KCNK13: variants seen among roughly 807,000 people sequenced by gnomAD.
The protein encoded by KCNK13 is potassium channel subfamily K member 13.
In KCNK13, 12 loss-of-function variants were observed where a neutral mutation model predicts 23.4. That is an observed-to-expected ratio of 0.51 (90% CI 0.33 to 0.83). KCNK13 has a LOEUF of 0.83. KCNK13 is among the 40% of genes least tolerant of loss of function. The pLI is 0.02. For synonymous variants in KCNK13, 231 were observed against 229.5 expected (o/e 1.01, Z -0.06); for missense variants, 463 against 556.3 (o/e 0.83, Z 1.69).
chr14:90,134,337 A>G (rs1889909939), intron 1 of KCNK13, among the ~76,000 whole-genome samples: 1 of 152,190 alleles, frequency 6.6e-6, no homozygotes, highest in South Asian at 2.1e-4. Context: ...TGGTAGAAAT[A>G]AACACTATTT....
chr14:90,179,460 A>C (rs1890461269), intron 1 of KCNK13, among the ~76,000 whole-genome samples: 1 of 152,138 alleles, frequency 6.6e-6, no homozygotes, highest in Non-Finnish European at 1.5e-5. Flanking sequence ...GGACCTTGGC[A>C]GTCCCTAGTA....
At chr14:90,127,841 CTATT>C (rs1456028287) in intron 1 of KCNK13, among the ~76,000 whole-genome samples, 2 of 132,810 alleles carry the variant, frequency 1.5e-5, no homozygotes, top group Non-Finnish European at 3.3e-5. Flanking sequence ...AAAAAAAAGG[CTATT>C]TAATGTTTCA....
intron 1 of KCNK13, among the ~76,000 whole-genome samples, chr14:90,131,982 T>C (rs181058603): frequency 6.6e-6 from 1 of 152,312 alleles, no homozygotes; most frequent in East Asian, 1.9e-4. Flanking sequence ...TATACATCCA[T>C]GTTCACAGCA....
At chr14:90,082,893 T>C (rs773843724) in intron 1 of KCNK13, among the ~76,000 whole-genome samples, 6 of 152,204 alleles carry the variant, frequency 3.9e-5, no homozygotes, top group Non-Finnish European at 8.8e-5. Flanking sequence ...ACATTGTATA[T>C]TCCCACCGAC....
chr14:90,062,599 G>T lies in KCNK13; in HGVS notation c.334+60G>T, dbSNP rs138123253. The T allele has an allele frequency of 2.3e-5, 29 of 1,286,792 alleles. No individual in the cohort carries two copies. In the East Asian group the frequency reaches 7.8e-4, roughly 35 times the overall value. 79.7% of individuals were successfully genotyped at this position (1,286,792 alleles called of 1,614,324 possible). ...GGGCGGCCTCCACTTCCTCCGGGGG[G>T]CAGGACCGACCCTCTCATCCTTTCA... On this transcript the variant is annotated intron_variant, in intron 1 of 1. Transcript: ENST00000282146. The surrounding 1 kb of genome is among the most constrained non-coding windows in gnomAD (Gnocchi z 4.5).
chr14:90,087,596 C>T (rs1396834306), intron 1 of KCNK13, among the ~76,000 whole-genome samples: 3 of 152,138 alleles, frequency 2.0e-5, no homozygotes, highest in Admixed American at 1.3e-4. Flanking sequence ...TGTTTGAAAA[C>T]GGACTTGCAA....
chr14:90,156,010 C>G (rs1890189652), intron 1 of KCNK13, among the ~76,000 whole-genome samples: 2 of 151,940 alleles, frequency 1.3e-5, no homozygotes, highest in African/African-American at 2.4e-5. Flanking sequence ...TCGAGACGAG[C>G]CTGGGCAACA....
intron 1 of KCNK13, among the ~76,000 whole-genome samples, chr14:90,143,187 TTTCTTTCTTTCTTTTCTTTCTTTTC>T (rs1313535757): frequency 3.2e-5 from 3 of 93,102 alleles, no homozygotes; most frequent in African/African-American, 1.1e-4. Flanking sequence ...TTTCTTTTCT[TTTCTTTCTTTCTTTTCTTTCTTTTC>T]TTTTTTTTTT....
intron 1 of KCNK13, among the ~76,000 whole-genome samples, chr14:90,182,290 G>T (rs946298736): frequency 3.9e-5 from 6 of 152,190 alleles, no homozygotes; most frequent in African/African-American, 1.4e-4. Flanking sequence ...GTTTGGGAAA[G>T]GTGGCCCCTT....
In KCNK13 at chr14:90,133,699, A is replaced by G. The variant is rs114959499; in HGVS notation, c.335-50412A>G. On this transcript the variant is annotated intron_variant, in intron 1 of 1. Transcript: ENST00000282146. ...CAGGCAAGTTGAGTTCAGAGCCCAC[A>G]CTTCTGGCTTTCACTCTTCCCTTTG... 1.6e-3 allele frequency among the ~76,000 whole-genome samples: 240 copies of G among 151,704 alleles called. 1 individual carries two copies. Among genetic ancestry groups the G allele is most frequent in the African/African-American group, 5.5e-3 (226 of 41,402 alleles).
At chr14:90,123,969 T>G (rs1471385827) in intron 1 of KCNK13, among the ~76,000 whole-genome samples, 1 of 152,180 alleles carries the variant, frequency 6.6e-6, no homozygotes, top group Non-Finnish European at 1.5e-5. Context: ...CTGAGGGGCC[T>G]TGGCATAGAT....
chr14:90,174,069 G>A (rs1890395067), intron 1 of KCNK13, among the ~76,000 whole-genome samples: 1 of 152,072 alleles, frequency 6.6e-6, no homozygotes, highest in African/African-American at 2.4e-5. Flanking sequence ...CACTTTGGGA[G>A]GCCGAGGCGG....
intron 1 of KCNK13, among the ~76,000 whole-genome samples, chr14:90,080,265 C>A (rs1889191478): frequency 6.6e-6 from 1 of 151,956 alleles, no homozygotes; most frequent in Non-Finnish European, 1.5e-5. Context: ...ACCAGCCTGG[C>A]CAACATGGTG....
rs114783922 is a variant in KCNK13, at chr14:90,129,400, C to T, written c.335-54711C>T. On this transcript the variant is annotated intron_variant, in intron 1 of 1. Transcript: ENST00000282146. ...CAAGTGTGAGGTGGCATCAGAATTG[C>T]TCGGGAAGAACACATATGGCTGCGC... Among the ~76,000 whole-genome samples, 662 of 152,194 alleles carry T rather than the reference C, an allele frequency of 4.3e-3. 6 individuals are homozygous for T. The highest frequency in any genetic ancestry group is 0.015 in the African/African-American group (623 of 41,524).
In KCNK13 at chr14:90,184,380, T is replaced by A. The variant is rs768825902; in HGVS notation, c.604T>A (p.Cys202Ser). 6.2e-7 allele frequency: 1 copy of A among 1,614,248 alleles called. No individual in the cohort carries two copies. Among genetic ancestry groups the A allele is most frequent in the African/African-American group, 1.3e-5 (1 of 75,078 alleles). ...CGTGTACTACGTCATGCTGATCCTA[T>A]GCACAGCCTCCATCCTCATCTCTTG... Reference protein sequence around the residue: ...PSVYYVMLILCTASILISCCA... With the variant: ...PSVYYVMLILSTASILISCCA... Residue 202 changes from cysteine to serine, a missense_variant, in exon 2 of 2, where the codon TGC (cysteine) becomes AGC (serine). By Grantham distance (112) the Cys-to-Ser change is moderately radical. Coordinates refer to ENST00000282146, the MANE Select transcript of KCNK13 (RefSeq NM_022054.4). This position sits in a 1 kb window ranked among gnomAD's most constrained non-coding sequence, Gnocchi z 5.6.
chr14:90,075,061 GA>G (rs1240463293), intron 1 of KCNK13, among the ~76,000 whole-genome samples: 35 of 151,624 alleles, frequency 2.3e-4, no homozygotes, highest in African/African-American at 8.5e-4. Context: ...TCTTTGTAGG[GA>G]AATTTGATGG....
At chr14:90,133,441 A>G (rs80228958) in intron 1 of KCNK13, among the ~76,000 whole-genome samples, 5,087 of 152,048 alleles carry the variant, frequency 0.033, 276 homozygotes, top group African/African-American at 0.12. Context: ...GGGTGATGCA[A>G]ACGTTCACGG....
chr14:90,174,399 C>T (rs551622433), intron 1 of KCNK13, among the ~76,000 whole-genome samples: 8 of 152,284 alleles, frequency 5.3e-5, no homozygotes, highest in African/African-American at 1.7e-4. Context: ...GAGGAAACTG[C>T]CCCCATGATC....
At chr14:90,068,650 C>G (rs1889036645) in intron 1 of KCNK13, among the ~76,000 whole-genome samples, 1 of 152,154 alleles carries the variant, frequency 6.6e-6, no homozygotes, top group Non-Finnish European at 1.5e-5. Flanking sequence ...CAACCCCAGA[C>G]CAACAGAATC....
Sources: gnomAD v4.1 joint callset for allele counts (sites outside exome capture counted in the v4.1 genomes callset) on GRCh38, gnomAD v4.1.1 for gene constraint, Gnocchi (gnomAD v3.1) non-coding constraint, MANE v1.5 for transcripts, NCBI Gene and HGNC (gene_info 2026-07-23, HGNC 2026-07-21) for gene names.